Variants in PHLDB2 observed in about 807,000 individuals in gnomAD.
The protein encoded by PHLDB2 is pleckstrin homology-like domain family B member 2.
PHLDB2 carries 71 observed loss-of-function variants against 123.6 expected under a neutral mutation model. The observed-to-expected ratio is 0.57, with a 90% CI of 0.47 to 0.70. The LOEUF (loss-of-function observed/expected upper bound fraction) is 0.70, where lower values mean the gene tolerates loss of function less well. Ranked by LOEUF, PHLDB2 falls within the 30% of genes least tolerant of loss-of-function variation. The pLI is 0.00. For missense variants in PHLDB2, 1,446 were observed against 1,519.5 expected (o/e 0.95, Z 0.80); for synonymous variants, 547 against 541.6 (o/e 1.01, Z -0.14).
At chr3:111,885,636 AG>A in intron 2 of PHLDB2, 1 of 718,590 alleles carries the variant, frequency 1.4e-6, no homozygotes, top group Non-Finnish European at 2.5e-6. Flanking sequence ...ATGTTAATTT[AG>A]TTGCTCTGCG....
chr3:111,873,381 A>G (rs570989142), intron 1 of PHLDB2, among the ~76,000 whole-genome samples: 2 of 152,346 alleles, frequency 1.3e-5, no homozygotes, highest in Non-Finnish European at 2.9e-5. Context: ...GCCCAAATAA[A>G]GACGGGACAG....
intron 6 of PHLDB2, among the ~76,000 whole-genome samples, chr3:111,934,984 C>T (rs561570775): frequency 6.6e-6 from 1 of 151,728 alleles, no homozygotes; most frequent in East Asian, 1.9e-4. Context: ...CAAAATCAAA[C>T]TTTTATTTGA....
intron 1 of PHLDB2, among the ~76,000 whole-genome samples, chr3:111,784,443 C>T (rs2060603175): frequency 6.6e-6 from 1 of 152,156 alleles, no homozygotes; most frequent in African/African-American, 2.4e-5. Flanking sequence ...GTTGCCTCAT[C>T]CTTTTTTCCT....
At chr3:111,946,078 C>CTGGAGTGCAG (rs5851806) in intron 9 of PHLDB2, among the ~76,000 whole-genome samples, 104,119 of 151,446 alleles carry the variant, frequency 0.69, 36,139 homozygotes, top group South Asian at 0.83. Flanking sequence ...GTTGCCCAGG[C>CTGGAGTGCAG]TGGCATGATC....
intron 1 of PHLDB2, among the ~76,000 whole-genome samples, chr3:111,780,358 G>C (rs979805286): frequency 6.6e-5 from 2 of 30,086 alleles, no homozygotes; most frequent in African/African-American, 1.2e-4. Flanking sequence ...AGAAGAAGAA[G>C]AAGAAGAAGA....
At position 111,949,085 on chromosome 3, in the gene PHLDB2, C is replaced by T. The variant is rs2070520058; in HGVS notation, c.2631+10C>T. ...GCCACAGAGTAAAGAGGTGTGTAGG[C>T]ATGACGTTTCATTCATTCACTGCTT... On this transcript the variant is annotated intron_variant, in intron 10 of 17. Coordinates refer to ENST00000431670, the MANE Select transcript of PHLDB2 (RefSeq NM_001134438.2). 3.1e-6 allele frequency: 5 copies of T among 1,612,492 alleles called. No homozygotes were observed. In the South Asian group the frequency reaches 3.3e-5, roughly 11 times the overall value.
intron 1 of PHLDB2, among the ~76,000 whole-genome samples, chr3:111,834,244 A>ATAC (rs1559858365): frequency 1.1e-5 from 1 of 87,070 alleles, no homozygotes; most frequent in African/African-American, 8.9e-5. Flanking sequence ...TATATAATAG[A>ATAC]ATTATATATA....
At chr3:111,964,506 A>ATT (rs529646565) in intron 13 of PHLDB2, among the ~76,000 whole-genome samples, 4,267 of 143,578 alleles carry the variant, frequency 0.03, 182 homozygotes, top group African/African-American at 0.092. Context: ...CACCTGGCTA[A>ATT]TTTTTTTTTT....
At chr3:111,815,481 G>C (rs1337920096) in intron 1 of PHLDB2, among the ~76,000 whole-genome samples, 1 of 152,194 alleles carries the variant, frequency 6.6e-6, no homozygotes, top group Admixed American at 6.5e-5. Context: ...TGAGGAATTT[G>C]TTGGAAACTA....
chr3:111,758,015 G>C (rs948398681), intron 1 of PHLDB2, among the ~76,000 whole-genome samples: 1 of 152,140 alleles, frequency 6.6e-6, no homozygotes, highest in Non-Finnish European at 1.5e-5. Flanking sequence ...GCCCCTACTG[G>C]GGGGTGCCTC....
intron 13 of PHLDB2, among the ~76,000 whole-genome samples, chr3:111,966,165 G>A (rs973432567): frequency 2.6e-5 from 4 of 152,102 alleles, no homozygotes; most frequent in Non-Finnish European, 2.9e-5. Flanking sequence ...CCAAACATTA[G>A]GTGTCATTTA....
chr3:111,820,860 CA>C (rs1332162538), intron 1 of PHLDB2, among the ~76,000 whole-genome samples: 1 of 152,214 alleles, frequency 6.6e-6, no homozygotes, highest in African/African-American at 2.4e-5. Context: ...TATAGTTTAT[CA>C]ACACCAGGAG....
intron 1 of PHLDB2, among the ~76,000 whole-genome samples, chr3:111,827,405 G>A (rs537788814): frequency 1.3e-5 from 2 of 152,318 alleles, no homozygotes; most frequent in African/African-American, 4.8e-5. Flanking sequence ...GCCGGGCGCG[G>A]TAGCTCACGC....
intron 1 of PHLDB2, among the ~76,000 whole-genome samples, chr3:111,810,358 C>T (rs745557961): frequency 5.3e-5 from 8 of 152,124 alleles, no homozygotes; most frequent in Non-Finnish European, 8.8e-5. Flanking sequence ...ATAGACTGGG[C>T]GGCTTAAACA....
intron 1 of PHLDB2, among the ~76,000 whole-genome samples, chr3:111,829,717 C>T (rs2062844380): frequency 1.3e-5 from 2 of 152,076 alleles, no homozygotes; most frequent in South Asian, 4.1e-4. Flanking sequence ...CCGCCTTGGC[C>T]TCCCAAAGTG....
intron 1 of PHLDB2, among the ~76,000 whole-genome samples, chr3:111,767,405 G>A (rs2060101154): frequency 6.6e-6 from 1 of 152,196 alleles, no homozygotes; most frequent in African/African-American, 2.4e-5. Flanking sequence ...GCTTCTTGTA[G>A]ATTGTTGACA....
chr3:111,827,909 T>G (rs2062746606), intron 1 of PHLDB2, among the ~76,000 whole-genome samples: 1 of 152,068 alleles, frequency 6.6e-6, no homozygotes, highest in Non-Finnish European at 1.5e-5. Flanking sequence ...AAGATAGACA[T>G]GGAAGTCTGG....
chr3:111,798,134 A>C (rs1183884691), intron 1 of PHLDB2, among the ~76,000 whole-genome samples: 8 of 151,806 alleles, frequency 5.3e-5, no homozygotes, highest in Non-Finnish European at 1.0e-4. Flanking sequence ...ACCCTATCTC[A>C]AAAAATTAAA....
chr3:111,782,031 G>A lies in PHLDB2; in HGVS notation c.-49+49328G>A, dbSNP rs146791403. Among the ~76,000 whole-genome samples, 11 of 152,154 alleles carry A rather than the reference G, an allele frequency of 7.2e-5. No individual in the cohort carries two copies. The East Asian group carries it at 1.3e-3, about 19-fold the overall frequency. On this transcript the variant is annotated intron_variant, in intron 1 of 17. Transcript: ENST00000393923. ...AATGCCTTATCTCTATTTCCCTCAG[G>A]CCAAGCTCTGTTTACTTATGTACTG...
Sources: allele counts gnomAD v4.1 joint callset (sites outside exome capture counted in the v4.1 genomes callset), GRCh38; gene constraint gnomAD v4.1.1; transcripts MANE v1.5; gene names NCBI Gene and HGNC (gene_info 2026-07-23, HGNC 2026-07-21).